Variants in GRM7 observed in about 807,000 individuals in gnomAD.
GRM7 encodes the protein glutamate metabotropic receptor 7.
A neutral mutation model predicts 84.5 loss-of-function variants in GRM7; 35 were observed. That is an observed-to-expected ratio of 0.41 (90% CI 0.32 to 0.55). The LOEUF (loss-of-function observed/expected upper bound fraction) is 0.55. GRM7 is among the 20% of genes least tolerant of loss of function. The pLI is 0.19. For missense variants in GRM7, 1,003 were observed against 1,194.6 expected (o/e 0.84, Z 2.36); for synonymous variants, 487 against 455.1 (o/e 1.07, Z -0.89).
intron 4 of GRM7, among the ~76,000 whole-genome samples, chr3:7,342,602 A>G (rs1692692821): frequency 1.3e-5 from 2 of 152,166 alleles, no homozygotes; most frequent in South Asian, 4.1e-4. Context: ...ACTTTAGCCT[A>G]CTTTAAAATT....
chr3:7,133,379 A>G (rs1045305724), intron 1 of GRM7, among the ~76,000 whole-genome samples: 2 of 152,282 alleles, frequency 1.3e-5, no homozygotes, highest in African/African-American at 4.8e-5. Flanking sequence ...TGAGGTGATA[A>G]TTTGCATTGC....
chr3:7,496,069 A>C (rs983391454), intron 7 of GRM7, among the ~76,000 whole-genome samples: 5 of 152,162 alleles, frequency 3.3e-5, no homozygotes, highest in African/African-American at 1.2e-4. Flanking sequence ...CGTCCCTCTT[A>C]TCAGTAGTAG....
intron 1 of GRM7, among the ~76,000 whole-genome samples, chr3:7,109,976 A>G (rs562519868): frequency 9.9e-5 from 15 of 152,122 alleles, no homozygotes; most frequent in Non-Finnish European, 1.8e-4. Flanking sequence ...TTAGATGAAC[A>G]CAAATCAAAG....
intron 1 of GRM7, among the ~76,000 whole-genome samples, chr3:6,906,385 G>T (rs1466494522): frequency 6.6e-6 from 1 of 152,050 alleles, no homozygotes; most frequent in Admixed American, 6.6e-5. Context: ...CATTATTTTT[G>T]AAACATCCTA....
intron 2 of GRM7, among the ~76,000 whole-genome samples, chr3:7,163,131 C>A (rs1321305777): frequency 6.6e-6 from 1 of 152,100 alleles, no homozygotes; most frequent in Non-Finnish European, 1.5e-5. Flanking sequence ...TTCTGTTGCT[C>A]TGGACTATAT....
intron 8 of GRM7, among the ~76,000 whole-genome samples, chr3:7,605,388 C>T (rs957072164): frequency 1.3e-5 from 2 of 151,916 alleles, no homozygotes; most frequent in Admixed American, 6.6e-5. Flanking sequence ...ATAATAAAGA[C>T]AATCAAAAAT....
chr3:7,052,196 C>T (rs2124956447), intron 1 of GRM7, among the ~76,000 whole-genome samples: 1 of 151,664 alleles, frequency 6.6e-6, no homozygotes, highest in Non-Finnish European at 1.5e-5. Context: ...TGTCTTTGAG[C>T]TTGATCATTT....
chr3:7,542,448 ACCT>A, intron 7 of GRM7, among the ~76,000 whole-genome samples: 1 of 151,168 alleles, frequency 6.6e-6, no homozygotes, highest in East Asian at 1.9e-4. Context: ...TTAAGATTTC[ACCT>A]CCTCTGAGAT....
rs115165745 is a variant in GRM7, at chr3:6,885,236, C to T, written c.519+23329C>T. 6.2e-3 allele frequency among the ~76,000 whole-genome samples: 950 copies of T among 152,256 alleles called. 4 individuals are homozygous for T. Among genetic ancestry groups the T allele is most frequent in the Non-Finnish European group, 0.01 (703 of 68,008 alleles). On this transcript the variant is annotated intron_variant, in intron 1 of 9. Coordinates refer to ENST00000357716, the MANE Select transcript of GRM7 (RefSeq NM_000844.4). ...TATTGAAGCAGTAGCCTACAGCAGCCGCAGAGGTACTGCTTCTTGCAGAGC... is the reference window on the plus strand; with the variant it reads ...TATTGAAGCAGTAGCCTACAGCAGCTGCAGAGGTACTGCTTCTTGCAGAGC...
In GRM7 at chr3:7,010,069, A is replaced by C. The variant is rs142881571; in HGVS notation, c.520-136383A>C. ...ATTACAGATATAACAAGAAAAAGGG[A>C]GACTTACAGCTAAGGAGCAGGGTGT... On this transcript the variant is annotated intron_variant, in intron 1 of 9. Coordinates refer to ENST00000357716, the MANE Select transcript of GRM7 (RefSeq NM_000844.4). 4.2e-4 allele frequency among the ~76,000 whole-genome samples: 64 copies of C among 152,296 alleles called. 1 individual carries two copies. The East Asian group carries it at 0.011, about 27-fold the overall frequency.
chr3:7,599,006 G>T (rs1313472820), intron 8 of GRM7, among the ~76,000 whole-genome samples: 1 of 152,122 alleles, frequency 6.6e-6, no homozygotes, highest in Non-Finnish European at 1.5e-5. Context: ...TCTTGAAAGA[G>T]AATTTCTACT....
At chr3:7,050,718 G>A (rs1696965664) in intron 1 of GRM7, among the ~76,000 whole-genome samples, 2 of 151,914 alleles carry the variant, frequency 1.3e-5, no homozygotes, top group Non-Finnish European at 2.9e-5. Flanking sequence ...TAATTTTATA[G>A]GAATGTTTCT....
chr3:7,291,825 C>A (rs1699639214), intron 2 of GRM7, among the ~76,000 whole-genome samples: 1 of 152,094 alleles, frequency 6.6e-6, no homozygotes, highest in African/African-American at 2.4e-5. Flanking sequence ...CCACCCAAAT[C>A]TCCTCTTGAA....
chr3:7,376,115 G>A (rs115063315), intron 4 of GRM7, among the ~76,000 whole-genome samples: 2,023 of 152,256 alleles, frequency 0.013, 40 homozygotes, highest in African/African-American at 0.047. Flanking sequence ...AAGTGGCGAT[G>A]TTTTAATTAA....
Position 6,954,466 on chromosome 3 carries a change from C to T in GRM7, c.519+92559C>T, listed in dbSNP as rs532607960. 7.2e-5 allele frequency among the ~76,000 whole-genome samples: 11 copies of T among 152,268 alleles called. No homozygotes were observed. In the South Asian group the frequency reaches 1.2e-3, roughly 17 times the overall value. On this transcript the variant is annotated intron_variant, in intron 1 of 9. Transcript: ENST00000357716. Reference sequence around the variant, plus strand: ...CAAGAAAATGGGTTTTCCCCCTCACCTTCTGACATATCCCTAAAATAAGGT... The same window carrying T: ...CAAGAAAATGGGTTTTCCCCCTCACTTTCTGACATATCCCTAAAATAAGGT...
chr3:7,476,962 C>T (rs573076155), intron 7 of GRM7, among the ~76,000 whole-genome samples: 5 of 152,314 alleles, frequency 3.3e-5, no homozygotes, highest in African/African-American at 9.6e-5. Flanking sequence ...TCCTTAACCC[C>T]CTTAGTGGAA....
intron 7 of GRM7, among the ~76,000 whole-genome samples, chr3:7,495,834 G>C (rs1575416907): frequency 6.6e-6 from 1 of 152,176 alleles, no homozygotes; most frequent in Non-Finnish European, 1.5e-5. Context: ...CCCTTTGGCT[G>C]TTCCTCTAGT....
rs552482598 is a variant in GRM7 at position 7,667,281 on chromosome 3, AGAGAG to A, written c.2452-12767_2452-12763del. Among the ~76,000 whole-genome samples the A allele has an allele frequency of 3.3e-3, 436 of 130,576 alleles. 3 individuals are homozygous for A. Among genetic ancestry groups the A allele is most frequent in the African/African-American group, 0.011 (417 of 37,262 alleles). 85.7% of individuals were successfully genotyped at this position (130,576 alleles called of 152,430 possible). ...AGACCCTGTCTGTTAAAAAAAAAAA[AGAGAG>A]AGAGAGAGAGAGAAAAGATAAGCAT... On this transcript the variant is annotated intron_variant, in intron 8 of 9. Coordinates refer to ENST00000357716, the MANE Select transcript of GRM7 (RefSeq NM_000844.4).
rs1697571038 is a variant in GRM7, at chr3:6,933,206, A to G, written c.519+71299A>G. On this transcript the variant is annotated intron_variant, in intron 1 of 9. Coordinates refer to ENST00000357716, the MANE Select transcript of GRM7 (RefSeq NM_000844.4). ...AAAGACAATAGTTATTATAAGCCAAAAGCTTTTACAATTATATTATAGCAC... is the reference window on the plus strand; with the variant it reads ...AAAGACAATAGTTATTATAAGCCAAGAGCTTTTACAATTATATTATAGCAC... Among the ~76,000 whole-genome samples, 3 of 152,216 alleles carry G rather than the reference A, an allele frequency of 2.0e-5. No homozygotes were observed. The South Asian group carries it at 6.2e-4, about 32-fold the overall frequency.
Sources: gnomAD v4.1 joint callset for allele counts (sites outside exome capture counted in the v4.1 genomes callset) on GRCh38, gnomAD v4.1.1 for gene constraint, MANE v1.5 for transcripts, NCBI Gene and HGNC (gene_info 2026-07-23, HGNC 2026-07-21) for gene names.